Variants in TWIST2 observed in about 807,000 individuals in gnomAD.
TWIST2 encodes the protein twist family bHLH transcription factor 2.
In TWIST2, 1 loss-of-function variant was observed where a neutral mutation model predicts 11.6. The observed-to-expected ratio is 0.09, with a 90% CI of 0.03 to 0.41. TWIST2 has a LOEUF of 0.41. Among genes scored for constraint, TWIST2 ranks in the 10% least tolerant of loss-of-function variants. TWIST2 has a pLI of 0.98. For missense variants in TWIST2, 168 were observed against 226.4 expected (o/e 0.74, Z 1.66); for synonymous variants, 87 against 96.6 (o/e 0.90, Z 0.58).
intron 1 of TWIST2, among the ~76,000 whole-genome samples, chr2:238,895,090 C>CGCT (rs1693191926): frequency 1.3e-5 from 2 of 152,224 alleles, no homozygotes; most frequent in Non-Finnish European, 1.5e-5. Context: ...TATTTTCGTT[C>CGCT]GCTGCTGCTG....
chr2:238,904,415 T>TGTG (rs1186066415), intron 1 of TWIST2, among the ~76,000 whole-genome samples: 2 of 129,720 alleles, frequency 1.5e-5, no homozygotes, highest in African/African-American at 5.7e-5. Flanking sequence ...TAATGTGAGG[T>TGTG]GTGTGTGATG....
In TWIST2 at chr2:238,909,888, G is replaced by A. The variant is rs1156823812; in HGVS notation, c.*82G>A. The A allele has an allele frequency of 6.6e-6, 1 of 152,238 alleles. No individual in the cohort carries two copies. Among genetic ancestry groups the A allele is most frequent in the Non-Finnish European group, 1.5e-5 (1 of 68,084 alleles). 9.4% of individuals were successfully genotyped at this position (152,238 alleles called of 1,614,324 possible). On this transcript the variant is annotated 3_prime_UTR_variant, in exon 2 of 2. Coordinates refer to ENST00000612363, the MANE Select transcript of TWIST2 (RefSeq NM_001271893.4). The stretch of plus-strand genomic sequence containing the variant: ...GCAAGTGGAATTGGGATGCATTCGA[G>A]TCTGTAACTTCTGAAACCTGAACAA...
chr2:238,885,502 C>T (rs1693017824), intron 1 of TWIST2, among the ~76,000 whole-genome samples: 1 of 152,202 alleles, frequency 6.6e-6, no homozygotes, highest in Non-Finnish European at 1.5e-5. Flanking sequence ...AGCCATAGCA[C>T]ACAGAAGATG....
intron 1 of TWIST2, among the ~76,000 whole-genome samples, chr2:238,854,836 C>T (rs972865494): frequency 3.9e-5 from 6 of 152,174 alleles, no homozygotes; most frequent in Admixed American, 1.3e-4. Flanking sequence ...TCTGCTGCCA[C>T]GGCAGCTTTC....
At chr2:238,893,451 A>T (rs1016037492) in intron 1 of TWIST2, among the ~76,000 whole-genome samples, 2 of 152,166 alleles carry the variant, frequency 1.3e-5, no homozygotes, top group African/African-American at 4.8e-5. Context: ...TCCCAGAATC[A>T]TTCTGCCACA....
At chr2:238,897,253 G>A (rs1220446467) in intron 1 of TWIST2, among the ~76,000 whole-genome samples, 3 of 152,248 alleles carry the variant, frequency 2.0e-5, no homozygotes, top group Admixed American at 6.5e-5. Flanking sequence ...GTCCTGTGGT[G>A]GGACTAAGCG....
rs184578451 is a variant in TWIST2 at position 238,891,017 on chromosome 2, G to A, written c.*36-18825G>A. Among the ~76,000 whole-genome samples, 446 of 152,272 alleles carry A rather than the reference G, an allele frequency of 2.9e-3. 4 individuals carry two copies. Among genetic ancestry groups the A allele is most frequent in the African/African-American group, 0.01 (420 of 41,552 alleles). On this transcript the variant is annotated intron_variant, in intron 1 of 1. Transcript: ENST00000612363. ...TCCGTGCACTTTCACTCCTGTTCTC[G>A]GATCCCCCGAGCTTCGGCGTGGTCC...
intron 1 of TWIST2, among the ~76,000 whole-genome samples, chr2:238,899,147 C>T (rs979675860): frequency 2.6e-5 from 4 of 152,370 alleles, no homozygotes; most frequent in African/African-American, 4.8e-5. Context: ...GCCATGTGAC[C>T]GCTGGCCACG....
intron 1 of TWIST2, among the ~76,000 whole-genome samples, chr2:238,876,042 G>A (rs1455770230): frequency 6.6e-6 from 1 of 152,224 alleles, no homozygotes; most frequent in Non-Finnish European, 1.5e-5. Flanking sequence ...AGCTGTGGAC[G>A]TGGGGGACCC....
chr2:238,883,192 T>C (rs1304011957), intron 1 of TWIST2, among the ~76,000 whole-genome samples: 1 of 152,210 alleles, frequency 6.6e-6, no homozygotes. Context: ...GCGGTGTTTA[T>C]GTGACTCTTG....
rs935998156 is a variant in TWIST2, at chr2:238,866,166, C to T, written c.*35+17433C>T. Among the ~76,000 whole-genome samples, 2 of 152,216 alleles carry T rather than the reference C, an allele frequency of 1.3e-5. No homozygotes were observed. The highest frequency in any genetic ancestry group is 2.9e-5 in the Non-Finnish European group (2 of 68,044). ...CTGCCAGCAGGATGGCCAGGCCTGC[C>T]AGGCACCGCCCAGGTTCCCCATGGC... On this transcript the variant is annotated intron_variant, in intron 1 of 1. Coordinates refer to ENST00000612363, the MANE Select transcript of TWIST2 (RefSeq NM_001271893.4). This position sits in a 1 kb window ranked among gnomAD's most constrained non-coding sequence, Gnocchi z 4.9.
chr2:238,902,823 A>C (rs1168419848), intron 1 of TWIST2, among the ~76,000 whole-genome samples: 5 of 20,320 alleles, frequency 2.5e-4, no homozygotes, highest in Non-Finnish European at 4.4e-4. Flanking sequence ...TGATGTGTGT[A>C]TGTGATATAG....
At chr2:238,881,242 TGTTA>T (rs934787399) in intron 1 of TWIST2, among the ~76,000 whole-genome samples, 2 of 134,806 alleles carry the variant, frequency 1.5e-5, no homozygotes, top group Admixed American at 1.6e-4. Flanking sequence ...TTAGTATTAG[TGTTA>T]GTGTCAGTAT....
chr2:238,897,097 T>A (rs1693215570), intron 1 of TWIST2, among the ~76,000 whole-genome samples: 1 of 152,166 alleles, frequency 6.6e-6, no homozygotes, highest in Non-Finnish European at 1.5e-5. Flanking sequence ...CTGCTTTCCA[T>A]CCCTTTCCTC....
chr2:238,893,817 C>T (rs956941373), intron 1 of TWIST2, among the ~76,000 whole-genome samples: 1 of 152,198 alleles, frequency 6.6e-6, no homozygotes, highest in Admixed American at 6.5e-5. Flanking sequence ...TCCTGGCCTC[C>T]GCGGCAGCCT....
chr2:238,907,216 C>T (rs949530402), intron 1 of TWIST2, among the ~76,000 whole-genome samples: 76 of 152,322 alleles, frequency 5.0e-4, no homozygotes, highest in Non-Finnish European at 9.0e-4. Context: ...ATGCCAGTGG[C>T]GTGTCCCCTG....
At chr2:238,882,579 C>T (rs1421026667) in intron 1 of TWIST2, among the ~76,000 whole-genome samples, 2 of 152,176 alleles carry the variant, frequency 1.3e-5, no homozygotes, top group Non-Finnish European at 2.9e-5. Context: ...TCCGATTGGC[C>T]TCCAAGGCAG....
chr2:238,900,333 A>G (rs1391834401), intron 1 of TWIST2, among the ~76,000 whole-genome samples: 1 of 152,190 alleles, frequency 6.6e-6, no homozygotes, highest in Non-Finnish European at 1.5e-5. Flanking sequence ...CTGGGGACCC[A>G]CAGATGTGCC....
chr2:238,903,572 T>A (rs1309836362), intron 1 of TWIST2, among the ~76,000 whole-genome samples: 1 of 122,030 alleles, frequency 8.2e-6, no homozygotes, highest in Admixed American at 8.7e-5. Context: ...GTAGTGTGTG[T>A]GATGTGAAGT....
Sources: gnomAD v4.1 joint callset for allele counts (sites outside exome capture counted in the v4.1 genomes callset) on GRCh38, gnomAD v4.1.1 for gene constraint, Gnocchi (gnomAD v3.1) non-coding constraint, MANE v1.5 for transcripts, NCBI Gene and HGNC (gene_info 2026-07-23, HGNC 2026-07-21) for gene names.